PSAT1: variants seen among roughly 807,000 people sequenced by gnomAD.
PSAT1 encodes phosphoserine aminotransferase.
In PSAT1, 41 loss-of-function variants were observed where a neutral mutation model predicts 40.3. The ratio of observed to expected loss-of-function variants is 1.02; its 90% CI spans 0.79 to 1.32. PSAT1 has a LOEUF of 1.32. Among genes scored for constraint, PSAT1 ranks in the 40% most tolerant of loss-of-function variants. The probability of loss-of-function intolerance (pLI) is 0.00; values close to 1 mark genes in which losing one functional copy is unlikely to be tolerated. For missense variants in PSAT1, 406 were observed against 455.8 expected, an observed-to-expected ratio of 0.89 and a Z score of 0.99; for synonymous variants, 147 against 170.5, an observed-to-expected ratio of 0.86 and a Z score of 1.07.
In PSAT1 at chr9:78,301,956, A is replaced by G. The variant is rs1212801380; in HGVS notation, c.124A>G (p.Met42Val). The G allele has an allele frequency of 6.2e-7, 1 of 1,604,242 alleles. No homozygotes were observed. Among genetic ancestry groups the G allele is most frequent in the Admixed American group, 1.7e-5 (1 of 60,002 alleles). ...YKGVGISVLE[M>V]SHRSSDFAKI... ...GTTGTTTATCTTTCCTTTCACAGAA[A>G]TGAGTCACAGGTCATCAGATTTTGC... Residue 42 changes from methionine (M) to valine (V), a missense_variant and splice_region_variant, in exon 3 of 9, where the codon ATG becomes GTG. Transcript: ENST00000376588.
At chr9:78,308,680 G>T in intron 6 of PSAT1, 97 bp downstream of exon 6, 1 of 1,443,758 alleles carries the variant, frequency 6.9e-7, no homozygotes, top group Non-Finnish European at 9.4e-7. Context: ...GTAAGCCTGG[G>T]CGCGGTGGCT....
intron 8 of PSAT1, 23 bp from the exon 9 acceptor site, chr9:78,328,958 G>C: frequency 6.3e-7 from 1 of 1,586,270 alleles, no homozygotes; most frequent in East Asian, 2.2e-5. Context: ...TGTTCTCAAT[G>C]CCTGGATCTT....
intron 7 of PSAT1, among the ~76,000 whole-genome samples, chr9:78,323,809 A>G (rs189210897): frequency 4.6e-5 from 7 of 152,294 alleles, no homozygotes; most frequent in African/African-American, 1.4e-4. Flanking sequence ...TTTAAAATTA[A>G]TTTTTTGTTG....
intron 1 of PSAT1, among the ~76,000 whole-genome samples, chr9:78,298,050 C>T (rs1041305531): frequency 6.6e-6 from 1 of 152,132 alleles, no homozygotes; most frequent in Non-Finnish European, 1.5e-5. Flanking sequence ...ACCCAATTCC[C>T]TGTTCATTTC....
chr9:78,318,716 G>C (rs1828384106), intron 7 of PSAT1, among the ~76,000 whole-genome samples: 1 of 152,130 alleles, frequency 6.6e-6, no homozygotes, highest in Non-Finnish European at 1.5e-5. Context: ...AGATAATCCA[G>C]GATCATCTCA....
intron 1 of PSAT1, among the ~76,000 whole-genome samples, chr9:78,299,927 C>T (rs544667095): frequency 4.1e-4 from 62 of 152,236 alleles, no homozygotes; most frequent in Middle Eastern, 3.4e-3. Context: ...AAAAAGGTGC[C>T]TCCTATCTGT....
chr9:78,314,152 T>C (rs1245385123), intron 6 of PSAT1, among the ~76,000 whole-genome samples: 1 of 152,174 alleles, frequency 6.6e-6, no homozygotes, highest in African/African-American at 2.4e-5. Flanking sequence ...TTAGAGCCCT[T>C]GTGTTTTCAA....
chr9:78,305,883 ATTTAC>A (rs949276581), intron 4 of PSAT1, among the ~76,000 whole-genome samples: 2 of 152,220 alleles, frequency 1.3e-5, no homozygotes, highest in African/African-American at 2.4e-5. Context: ...TTTTGAAAAA[ATTTAC>A]TTTATTTTAT....
intron 7 of PSAT1, among the ~76,000 whole-genome samples, chr9:78,327,661 T>TACCATA (rs2118713711): frequency 6.6e-6 from 1 of 152,274 alleles, no homozygotes; most frequent in East Asian, 1.9e-4. Context: ...ACCAACTTAT[T>TACCATA]ATTTCTCTGC....
At chr9:78,310,662 G>C (rs1347740867) in intron 6 of PSAT1, among the ~76,000 whole-genome samples, 1 of 151,238 alleles carries the variant, frequency 6.6e-6, no homozygotes, top group Non-Finnish European at 1.5e-5. Context: ...CCAGGCTGGA[G>C]TGCAGTGGCG....
chr9:78,323,842 G>A (rs1377873830), intron 7 of PSAT1, among the ~76,000 whole-genome samples: 2 of 152,060 alleles, frequency 1.3e-5, no homozygotes, highest in African/African-American at 4.8e-5. Flanking sequence ...AGTAAGGAGA[G>A]GCCTACATAG....
intron 6 of PSAT1, among the ~76,000 whole-genome samples, chr9:78,310,959 C>A (rs1449699563): frequency 1.3e-5 from 2 of 152,172 alleles, no homozygotes; most frequent in Non-Finnish European, 2.9e-5. Flanking sequence ...TGCTTGGTCA[C>A]ACGATGCAGA....
chr9:78,316,805 C>T (rs903316350), intron 6 of PSAT1, among the ~76,000 whole-genome samples: 10 of 152,156 alleles, frequency 6.6e-5, no homozygotes, highest in Admixed American at 5.2e-4. Flanking sequence ...TTTAACCCCT[C>T]GGCCACAGTG....
chr9:78,316,176 T>C (rs990987585), intron 6 of PSAT1, among the ~76,000 whole-genome samples: 1 of 152,240 alleles, frequency 6.6e-6, no homozygotes, highest in Non-Finnish European at 1.5e-5. Context: ...TTGAAGGGAC[T>C]ACTGACTGCC....
intron 7 of PSAT1, among the ~76,000 whole-genome samples, chr9:78,324,068 A>T (rs1222321223): frequency 6.6e-6 from 1 of 151,834 alleles, no homozygotes; most frequent in East Asian, 1.9e-4. Flanking sequence ...CTCCTCCAGT[A>T]CCTTGGAAAG....
At chr9:78,328,521 T>A (rs1277392779) in intron 8 of PSAT1, among the ~76,000 whole-genome samples, 2 of 144,944 alleles carry the variant, frequency 1.4e-5, no homozygotes, top group Non-Finnish European at 2.9e-5. Context: ...AGAGAATCAT[T>A]ATTATTCCAA....
intron 7 of PSAT1, among the ~76,000 whole-genome samples, chr9:78,321,934 G>T (rs1156781933): frequency 6.6e-6 from 1 of 152,090 alleles, no homozygotes; most frequent in African/African-American, 2.4e-5. Flanking sequence ...TAAGGATTGA[G>T]AGCATTTTTA....
rs1280850984 is a variant in PSAT1, at chr9:78,308,559, T to A, written c.716T>A (p.Leu239Ter). ...AAGGTGCAGGCTGGAAACAGCTCCT[T>A]GTACAACACGCCTCCATGTTTCAGG... ...EYKVQAGNSS[L>*]YNTPPCFSIY... is the part of the protein sequence containing the mutation. The change falls in exon 6 of 9, where the codon TTG becomes TAG. Residue 239 changes from leucine (L) to a stop codon, truncating the protein, a stop_gained. Coordinates refer to ENST00000376588, the MANE Select transcript of PSAT1 (RefSeq NM_058179.4). LOFTEE classifies it high-confidence loss of function. 1 of 1,614,098 alleles carries A rather than the reference T, an allele frequency of 6.2e-7. No homozygotes were observed.
At position 78,329,100 on chromosome 9, in the gene PSAT1, A is replaced by T. The variant is rs779224452; in HGVS notation, c.*14A>T. On this transcript the variant is annotated 3_prime_UTR_variant, in exon 9 of 9. Coordinates refer to ENST00000376588, the MANE Select transcript of PSAT1 (RefSeq NM_058179.4). ...CATCAGCTATGAACACATCCTAACC[A>T]GGATATACTCTGTTCTTGAACAACA... 1 of 1,556,660 alleles carries T rather than the reference A, an allele frequency of 6.4e-7. No homozygotes were observed. The highest frequency in any genetic ancestry group is 8.9e-7 in the Non-Finnish European group (1 of 1,129,310).
Sources: allele counts gnomAD v4.1 joint callset (sites outside exome capture counted in the v4.1 genomes callset), GRCh38; gene constraint gnomAD v4.1.1; transcripts MANE v1.5; gene names NCBI Gene and HGNC (gene_info 2026-07-23, HGNC 2026-07-21).